AADACL3: variants seen among roughly 807,000 people sequenced by gnomAD.
AADACL3 encodes arylacetamide deacetylase like 3.
Under a neutral mutation model 13.6 loss-of-function variants are expected in AADACL3, and 13 were observed. The observed-to-expected ratio is 0.95, with a 90% CI of 0.62 to 1.52. The LOEUF (loss-of-function observed/expected upper bound fraction) is 1.52. AADACL3 is among the 40% of genes most tolerant of loss of function. The pLI, the probability that AADACL3 is intolerant of heterozygous loss-of-function variation, is 0.00. For synonymous variants in AADACL3, 195 were observed against 197.0 expected, an observed-to-expected ratio of 0.99 and a Z score of 0.08; for missense variants, 519 against 499.2, an observed-to-expected ratio of 1.04 and a Z score of -0.38.
rs972228317 is a variant in AADACL3, at chr1:12,728,002, C to T, written c.*2006C>T. ...ATAACATTTTAAGAGGCTGAGAGCA[C>T]CCCTTGTTGGGCGCATGCCCATGGC... On this transcript the variant is annotated 3_prime_UTR_variant, in exon 4 of 4. Transcript: ENST00000359318. 2.0e-5 allele frequency: 3 copies of T among 152,236 alleles called. No individual in the cohort carries two copies. The highest frequency in any genetic ancestry group is 7.2e-5 in the African/African-American group (3 of 41,464). The allele number at this position is 152,236 out of a possible 1,614,324, so 9.4% of individuals were successfully genotyped here.
At chr1:12,724,467 G>A (rs951353250) in intron 3 of AADACL3, among the ~76,000 whole-genome samples, 6 of 151,870 alleles carry the variant, frequency 4.0e-5, no homozygotes, top group African/African-American at 1.2e-4. Context: ...TGAATGAAAT[G>A]ACATTATTTG....
At chr1:12,719,354 A>G in intron 1 of AADACL3, 121 bp from the exon 2 acceptor site, 1 of 892,586 alleles carries the variant, frequency 1.1e-6, no homozygotes, top group Non-Finnish European at 1.8e-6. Context: ...CTGTAATCCA[A>G]TCTGACTGCA....
intron 3 of AADACL3, among the ~76,000 whole-genome samples, chr1:12,721,170 C>T (rs1023290198): frequency 2.6e-5 from 4 of 152,088 alleles, no homozygotes; most frequent in Non-Finnish European, 4.4e-5. Context: ...TGGGAGGCCA[C>T]GGTGGGCAGA....
Position 12,727,231 on chromosome 1 carries a change from A to G in AADACL3, c.*1235A>G, listed in dbSNP as rs1638385395. 1 of 152,174 alleles carries G rather than the reference A, an allele frequency of 6.6e-6. No homozygotes were observed. The highest frequency in any genetic ancestry group is 2.1e-4 in the South Asian group (1 of 4,828). 9.4% of individuals were successfully genotyped at this position (152,174 alleles called of 1,614,324 possible). ...TGAAGGGAATGGAATAATCTAACTC[A>G]CCATTCCCAAGTCCTATGCCATCCT... On this transcript the variant is annotated 3_prime_UTR_variant, in exon 4 of 4. Transcript: ENST00000359318.
intron 3 of AADACL3, among the ~76,000 whole-genome samples, chr1:12,722,662 C>T (rs907261972): frequency 2.0e-5 from 3 of 151,726 alleles, no homozygotes; most frequent in Non-Finnish European, 2.9e-5. Flanking sequence ...GTTTGTTGCT[C>T]CCATAGAGTG....
intron 1 of AADACL3, 62 bp from the exon 2 acceptor site, chr1:12,719,413 C>T (rs1350332898): frequency 1.3e-6 from 2 of 1,520,664 alleles, no homozygotes; most frequent in Non-Finnish European, 1.8e-6. Context: ...TTGTGAAGGC[C>T]AGACTCCAGA....
At chr1:12,718,915 T>A (rs1483306136) in intron 1 of AADACL3, among the ~76,000 whole-genome samples, 1 of 152,176 alleles carries the variant, frequency 6.6e-6, no homozygotes, top group East Asian at 1.9e-4. Flanking sequence ...TGTCCCTAAA[T>A]GTCTCTAACT....
rs1638345925 is a variant in AADACL3 at position 12,725,422 on chromosome 1, C to G, written c.650C>G (p.Ala217Gly). The change falls in exon 4 of 4, where the codon GCT becomes GGT. Residue 217 changes from alanine to glycine, a missense_variant. Transcript: ENST00000359318. ...VDRPDLPRIRAQILIYAILQA... is the reference protein window; with the variant it reads ...VDRPDLPRIRGQILIYAILQA... ...AGGCCAGATCTGCCCCGGATCCGGG[C>G]TCAGATCCTGATCTATGCCATTCTC... 6.2e-7 allele frequency: 1 copy of G among 1,613,750 alleles called. No homozygotes were observed. Among genetic ancestry groups the G allele is most frequent in the African/African-American group, 1.3e-5 (1 of 74,900 alleles).
intron 3 of AADACL3, among the ~76,000 whole-genome samples, chr1:12,723,418 T>G (rs1385954057): frequency 6.6e-6 from 1 of 152,180 alleles, no homozygotes; most frequent in Non-Finnish European, 1.5e-5. Flanking sequence ...GGCAGCCTCA[T>G]TGAGAGCTTC....
rs139336643 is a variant in AADACL3 at position 12,719,576 on chromosome 1, G to A, written c.270G>A (p.Thr90=). The change falls in exon 2 of 4, where the codon ACG becomes ACA. Residue 90 remains threonine, a synonymous_variant. Coordinates refer to ENST00000359318, the MANE Select transcript of AADACL3 (RefSeq NM_001103170.3). Reference sequence around the variant, plus strand: ...AGTATGACCCCGATGTTGTGGTCACGGATTTCCGCTTTGGGACAATCCCTG... The same window carrying A: ...AGTATGACCCCGATGTTGTGGTCACAGATTTCCGCTTTGGGACAATCCCTG... ...PLKYDPDVVV[T]DFRFGTIPVK... 5.7e-4 allele frequency: 912 copies of A among 1,614,028 alleles called. No individual in the cohort carries two copies. The highest frequency in any genetic ancestry group is 1.1e-3 in the Admixed American group (67 of 60,020).
At position 12,725,793 on chromosome 1, in the gene AADACL3, A is replaced by G. The variant is rs935914042; in HGVS notation, c.1021A>G (p.Ile341Val). The G allele has an allele frequency of 3.1e-6, 5 of 1,614,182 alleles. No homozygotes were observed. Among genetic ancestry groups the G allele is most frequent in the Non-Finnish European group, 4.2e-6 (5 of 1,180,028 alleles). The stretch of plus-strand genomic sequence containing the variant: ...AGTGTCTCAGCTCCCGGAAACCTGC[A>G]TCGTGAGCTGTGAGTATGATGCTCT... ...DIVSQLPETC[I>V]VSCEYDALRD... Residue 341 changes from isoleucine (I) to valine (V), a missense_variant, in exon 4 of 4, where the codon ATC (isoleucine) becomes GTC (valine). Coordinates refer to ENST00000359318, the MANE Select transcript of AADACL3 (RefSeq NM_001103170.3).
chr1:12,723,406 G>A (rs1021753102), intron 3 of AADACL3, among the ~76,000 whole-genome samples: 3 of 152,174 alleles, frequency 2.0e-5, no homozygotes, highest in African/African-American at 7.2e-5. Flanking sequence ...ACTCACAAAT[G>A]TGGCAGCCTC....
intron 3 of AADACL3, among the ~76,000 whole-genome samples, chr1:12,724,486 CTT>C (rs761326105): frequency 1.4e-4 from 21 of 151,448 alleles, no homozygotes; most frequent in Non-Finnish European, 1.9e-4. Context: ...TGAGACCCTG[CTT>C]TTTTTTTCTT....
intron 2 of AADACL3, 132 bp from the exon 3 acceptor site, chr1:12,720,751 C>T (rs1029454121): frequency 1.6e-5 from 11 of 682,912 alleles, no homozygotes; most frequent in Non-Finnish European, 2.3e-5. Context: ...AGAAGATTGA[C>T]CGGAAGTTTG....
At chr1:12,722,039 C>T (rs1018718052) in intron 3 of AADACL3, among the ~76,000 whole-genome samples, 6 of 152,182 alleles carry the variant, frequency 3.9e-5, no homozygotes, top group Middle Eastern at 6.8e-3. Context: ...GAGTAGAAAA[C>T]GAAGAGATGA....
At chr1:12,719,995 A>T (rs975315928) in intron 2 of AADACL3, among the ~76,000 whole-genome samples, 5 of 152,230 alleles carry the variant, frequency 3.3e-5, no homozygotes, top group Non-Finnish European at 5.9e-5. Context: ...ATATGTATGT[A>T]CATATAAATG....
intron 3 of AADACL3, among the ~76,000 whole-genome samples, chr1:12,721,176 G>A (rs1220034831): frequency 6.6e-6 from 1 of 152,136 alleles, no homozygotes; most frequent in Non-Finnish European, 1.5e-5. Flanking sequence ...GCCACGGTGG[G>A]CAGAATGCTT....
intron 1 of AADACL3, among the ~76,000 whole-genome samples, chr1:12,717,239 C>T (rs1319424995): frequency 2.0e-5 from 3 of 152,092 alleles, no homozygotes; most frequent in Admixed American, 2.0e-4. Context: ...AGAGAAGATC[C>T]CGGGAACTCT....
chr1:12,720,825 G>A, intron 2 of AADACL3, 58 bp from the exon 3 acceptor site: 1 of 1,488,332 alleles, frequency 6.7e-7, no homozygotes, highest in South Asian at 1.1e-5. Context: ...AGAAGACGGT[G>A]ACAATGGCTG....
Sources: allele counts gnomAD v4.1 joint callset (sites outside exome capture counted in the v4.1 genomes callset), GRCh38; gene constraint gnomAD v4.1.1; transcripts MANE v1.5; gene names NCBI Gene and HGNC (gene_info 2026-07-23, HGNC 2026-07-21).